ZNF385D: variants seen among roughly 807,000 people sequenced by gnomAD.
The protein encoded by ZNF385D is zinc finger protein 385D.
Under a neutral mutation model 35.8 loss-of-function variants are expected in ZNF385D, and 15 were observed. The ratio of observed to expected loss-of-function variants is 0.42; its 90% confidence interval spans 0.28 to 0.64. The LOEUF is 0.64. ZNF385D is among the 30% of genes least tolerant of loss of function. The pLI, the probability that ZNF385D is intolerant of heterozygous loss-of-function variation, is 0.23. For synonymous variants in ZNF385D, 212 were observed against 186.8 expected, an observed-to-expected ratio of 1.13 and a Z score of -1.10; for missense variants, 474 against 494.6, an observed-to-expected ratio of 0.96 and a Z score of 0.39.
chr3:21,686,337 A>G (rs2067103642), intron 1 of ZNF385D, among the ~76,000 whole-genome samples: 1 of 152,140 alleles, frequency 6.6e-6, no homozygotes, highest in Admixed American at 6.6e-5. Flanking sequence ...AAAAAGATAT[A>G]AATATTGTAC....
intron 3 of ZNF385D, among the ~76,000 whole-genome samples, chr3:22,091,402 G>T (rs1402304500): frequency 6.6e-6 from 1 of 152,046 alleles, no homozygotes; most frequent in Non-Finnish European, 1.5e-5. Flanking sequence ...CAGGCTCTGG[G>T]GTAACAGAAA....
At chr3:21,490,695 A>AGGTATCAT (rs1448610008) in intron 4 of ZNF385D, among the ~76,000 whole-genome samples, 3 of 152,052 alleles carry the variant, frequency 2.0e-5, no homozygotes, top group African/African-American at 7.2e-5. Context: ...AGCCTTTATC[A>AGGTATCAT]GGTATCATTG....
At chr3:21,656,040 G>C (rs1319511458) in intron 2 of ZNF385D, among the ~76,000 whole-genome samples, 1 of 151,816 alleles carries the variant, frequency 6.6e-6, no homozygotes, top group African/African-American at 2.4e-5. Context: ...AGAGTTACAG[G>C]GTAGGGGGTG....
At chr3:22,146,016 A>T (rs575232832) in intron 3 of ZNF385D, among the ~76,000 whole-genome samples, 22 of 152,194 alleles carry the variant, frequency 1.4e-4, no homozygotes, top group Admixed American at 7.9e-4. Context: ...AAGATGAGTG[A>T]AACAGTATCT....
At chr3:21,946,377 T>G (rs641910) in intron 3 of ZNF385D, among the ~76,000 whole-genome samples, 7 of 152,188 alleles carry the variant, frequency 4.6e-5, no homozygotes, top group African/African-American at 1.7e-4. Flanking sequence ...GCAGTCTACA[T>G]GGAGTCACCC....
intron 1 of ZNF385D, among the ~76,000 whole-genome samples, chr3:21,707,682 C>A (rs894151641): frequency 6.6e-6 from 1 of 152,094 alleles, no homozygotes; most frequent in African/African-American, 2.4e-5. Flanking sequence ...AGGGCATGGT[C>A]AATTCGAATA....
intron 3 of ZNF385D, among the ~76,000 whole-genome samples, chr3:21,989,519 G>A (rs935828519): frequency 1.3e-5 from 2 of 151,906 alleles, no homozygotes; most frequent in African/African-American, 4.8e-5. Context: ...TCTCTCAAAA[G>A]GTATGTCAGT....
intron 3 of ZNF385D, among the ~76,000 whole-genome samples, chr3:22,057,009 C>T (rs537068794): frequency 5.3e-5 from 8 of 152,322 alleles, no homozygotes; most frequent in South Asian, 4.1e-4. Context: ...ATATATACTC[C>T]GTTTTCCATG....
chr3:21,800,180 T>C (rs1220484683), intron 3 of ZNF385D, among the ~76,000 whole-genome samples: 1 of 152,230 alleles, frequency 6.6e-6, no homozygotes, highest in Admixed American at 6.6e-5. Flanking sequence ...ATGTATGAAA[T>C]ATTCAACTTT....
intron 2 of ZNF385D, among the ~76,000 whole-genome samples, chr3:21,571,839 G>A (rs990637769): frequency 2.6e-5 from 4 of 152,118 alleles, no homozygotes; most frequent in African/African-American, 9.7e-5. Flanking sequence ...GAGACACATA[G>A]GGCTAGAACT....
At chr3:22,078,730 G>A (rs985779816) in intron 3 of ZNF385D, among the ~76,000 whole-genome samples, 1 of 151,884 alleles carries the variant, frequency 6.6e-6, no homozygotes, top group African/African-American at 2.4e-5. Flanking sequence ...CATAAGTATT[G>A]GCAAGTTGCA....
At chr3:21,527,403 C>A (rs897691327) in intron 3 of ZNF385D, among the ~76,000 whole-genome samples, 2 of 151,978 alleles carry the variant, frequency 1.3e-5, no homozygotes, top group Non-Finnish European at 2.9e-5. Context: ...AACTAGGCCC[C>A]GAACTTTATT....
At chr3:21,612,504 A>G (rs113113404) in intron 2 of ZNF385D, among the ~76,000 whole-genome samples, 4,257 of 152,292 alleles carry the variant, frequency 0.028, 112 homozygotes, top group South Asian at 0.11. Context: ...AAGCTAGTCA[A>G]TTGGGGAAAT....
At chr3:21,730,534 G>C (rs966116926) in intron 1 of ZNF385D, among the ~76,000 whole-genome samples, 1 of 152,132 alleles carries the variant, frequency 6.6e-6, no homozygotes, top group African/African-American at 2.4e-5. Flanking sequence ...ATACAGTTTA[G>C]AGCATCTACT....
intron 3 of ZNF385D, among the ~76,000 whole-genome samples, chr3:22,161,093 C>T (rs1705919680): frequency 6.6e-6 from 1 of 151,916 alleles, no homozygotes. Flanking sequence ...TAAAGCTTTT[C>T]CATTATAGAA....
chr3:22,355,018 A>T (rs1350154821), intron 2 of ZNF385D, among the ~76,000 whole-genome samples: 1 of 152,078 alleles, frequency 6.6e-6, no homozygotes, highest in Non-Finnish European at 1.5e-5. Context: ...TACAAATTTA[A>T]TTATAAAATT....
At chr3:21,683,203 G>C (rs896663622) in intron 1 of ZNF385D, among the ~76,000 whole-genome samples, 2 of 149,872 alleles carry the variant, frequency 1.3e-5, no homozygotes, top group African/African-American at 4.9e-5. Context: ...TGTGTCTCTA[G>C]GCATATTTAG....
intron 2 of ZNF385D, among the ~76,000 whole-genome samples, chr3:22,200,104 A>G (rs1158102207): frequency 6.6e-6 from 1 of 152,102 alleles, no homozygotes; most frequent in African/African-American, 2.4e-5. Context: ...AACATCCAGA[A>G]TCCTTGCCCT....
chr3:21,903,364 T>G (rs890315005), intron 3 of ZNF385D, among the ~76,000 whole-genome samples: 1 of 152,136 alleles, frequency 6.6e-6, no homozygotes, highest in Non-Finnish European at 1.5e-5. Flanking sequence ...GTGCAATGAT[T>G]CAGTCATTTA....
Sources: allele counts gnomAD v4.1 joint callset (sites outside exome capture counted in the v4.1 genomes callset), GRCh38; gene constraint gnomAD v4.1.1; transcripts MANE v1.5; gene names NCBI Gene and HGNC (gene_info 2026-07-23, HGNC 2026-07-21).